The following GUCY1B1 variants were observed in gnomAD, a reference collection of about 807,000 sequenced individuals.
GUCY1B1 encodes guanylate cyclase 1 soluble subunit beta 1, also known as guanylate cyclase soluble subunit beta-1.
A neutral mutation model predicts 71.0 loss-of-function variants in GUCY1B1; 43 were observed. The observed-to-expected ratio is 0.61, with a 90% CI of 0.47 to 0.78. The LOEUF (loss-of-function observed/expected upper bound fraction) is 0.78, where lower values mean the gene tolerates loss of function less well. Among genes scored for constraint, GUCY1B1 ranks in the 30% least tolerant of loss-of-function variants. GUCY1B1 has a pLI of 0.00. For missense variants in GUCY1B1, 535 were observed against 754.1 expected, an observed-to-expected ratio of 0.71 and a Z score of 3.40; for synonymous variants, 266 against 259.7, an observed-to-expected ratio of 1.02 and a Z score of -0.23.
At chr4:155,790,509 C>A (rs1414354889) in intron 5 of GUCY1B1, among the ~76,000 whole-genome samples, 1 of 152,134 alleles carries the variant, frequency 6.6e-6, no homozygotes, top group Non-Finnish European at 1.5e-5. Context: ...GGCAACCGTA[C>A]AACAAAGAGA....
chr4:155,759,516 C>G (rs1213284768), intron 1 of GUCY1B1: 23 of 516,080 alleles, frequency 4.5e-5, no homozygotes, highest in Non-Finnish European at 7.1e-5. Flanking sequence ...GCCCCCGATG[C>G]CCAGCCTCTC....
intron 8 of GUCY1B1, among the ~76,000 whole-genome samples, chr4:155,798,721 A>C (rs1046122739): frequency 6.6e-6 from 1 of 152,162 alleles, no homozygotes; most frequent in Non-Finnish European, 1.5e-5. Flanking sequence ...GACATAACTA[A>C]ATTTTTTCCT....
intron 13 of GUCY1B1, among the ~76,000 whole-genome samples, chr4:155,805,558 C>G (rs1019846374): frequency 6.6e-6 from 1 of 152,134 alleles, no homozygotes; most frequent in African/African-American, 2.4e-5. Flanking sequence ...AGGGGCTCCC[C>G]TGACCCCTTT....
intron 6 of GUCY1B1, among the ~76,000 whole-genome samples, chr4:155,794,532 A>G (rs1162036318): frequency 6.6e-6 from 1 of 152,226 alleles, no homozygotes; most frequent in African/African-American, 2.4e-5. Context: ...TGATGGATTC[A>G]GTAGAAAAAG....
In GUCY1B1 at chr4:155,772,701, T is replaced by A. The variant is rs886518294; in HGVS notation, c.78-2267T>A. 4 of 702,462 alleles carry A rather than the reference T, an allele frequency of 5.7e-6. No homozygotes were observed. The Admixed American group carries it at 8.0e-5, about 14-fold the overall frequency. The allele number at this position is 702,462 out of a possible 1,614,324, so 43.5% of individuals were successfully genotyped here. The stretch of plus-strand genomic sequence containing the variant: ...TCCCAAAGTGCTGGGATAACAGGCA[T>A]GAGCCAACCTGCCCAGCCAGAAAAG... On this transcript the variant is annotated intron_variant, in intron 2 of 13. Transcript: ENST00000264424.
chr4:155,794,746 G>A (rs1185964261), intron 6 of GUCY1B1, among the ~76,000 whole-genome samples: 1 of 152,178 alleles, frequency 6.6e-6, no homozygotes, highest in Non-Finnish European at 1.5e-5. Context: ...CAGGTGAAAT[G>A]GAAGCAGAGT....
intron 9 of GUCY1B1, 35 bp downstream of exon 9, chr4:155,800,109 C>G: frequency 7.1e-7 from 1 of 1,400,576 alleles, no homozygotes; most frequent in East Asian, 2.3e-5. Context: ...TACTGTTATT[C>G]ATAACATAAT....
Position 155,802,002 on chromosome 4 carries a change from G to A in GUCY1B1, c.1176-340G>A, listed in dbSNP as rs1388385988. ...TGACAGTCTTCATACTGTGACTATC[G>A]TAATAGCAGGGTCAGAATACAGGAC... On this transcript the variant is annotated intron_variant, in intron 9 of 13. Coordinates refer to ENST00000264424, the MANE Select transcript of GUCY1B1 (RefSeq NM_000857.5). This position sits in a 1 kb window ranked among gnomAD's most constrained non-coding sequence, Gnocchi z 4.3. 4.6e-5 allele frequency among the ~76,000 whole-genome samples: 7 copies of A among 152,074 alleles called. No individual in the cohort carries two copies. The highest frequency in any genetic ancestry group is 7.4e-5 in the Non-Finnish European group (5 of 68,020).
At chr4:155,797,029 T>C (rs935991131) in intron 8 of GUCY1B1, among the ~76,000 whole-genome samples, 1 of 152,318 alleles carries the variant, frequency 6.6e-6, no homozygotes, top group Non-Finnish European at 1.5e-5. Context: ...TTAAAATGTA[T>C]GTAAAATGTG....
At position 155,803,619 on chromosome 4, in the gene GUCY1B1, G is replaced by A. The variant is rs746809128; in HGVS notation, c.1414-5G>A. ...CCGTGAACATCTAAATATATGTACT[G>A]TTAGGTGGAGACTGTTGGTGACAAG... On this transcript the variant is annotated splice_region_variant and splice_polypyrimidine_tract_variant and intron_variant, in intron 10 of 13. Coordinates refer to ENST00000264424, the MANE Select transcript of GUCY1B1 (RefSeq NM_000857.5). The A allele has an allele frequency of 4.4e-5, 69 of 1,568,120 alleles. No homozygotes were observed. The highest frequency in any genetic ancestry group is 5.0e-5 in the Non-Finnish European group (58 of 1,157,018).
chr4:155,778,759 A>T (rs565198671), intron 4 of GUCY1B1, among the ~76,000 whole-genome samples: 1 of 152,204 alleles, frequency 6.6e-6, no homozygotes, highest in Non-Finnish European at 1.5e-5. Context: ...GGCAGCATTT[A>T]ATGGGATTAT....
At chr4:155,789,636 T>C (rs1192923283) in intron 4 of GUCY1B1, 78 bp from the exon 5 acceptor site, 3 of 822,024 alleles carry the variant, frequency 3.6e-6, no homozygotes. Flanking sequence ...TTTGACTCGT[T>C]TTCATATCTT....
Position 155,802,546 on chromosome 4 carries a change from G to C in GUCY1B1, c.1380G>C (p.Leu460=). ...LNDLYTRFDT[L]TDSRKNPFVY... ...ACCTCTACACCAGATTTGACACACT[G>C]ACTGATTCCCGGAAAAACCCATTTG... Residue 460 remains leucine (L), a synonymous_variant, in exon 10 of 14, where the codon CTG becomes CTC. Transcript: ENST00000264424. This position sits in a 1 kb window ranked among gnomAD's most constrained non-coding sequence, Gnocchi z 4.3. The C allele has an allele frequency of 4.3e-6, 7 of 1,610,142 alleles. No homozygotes were observed. The highest frequency in any genetic ancestry group is 5.9e-6 in the Non-Finnish European group (7 of 1,178,072).
intron 4 of GUCY1B1, among the ~76,000 whole-genome samples, chr4:155,780,305 C>T (rs1022243059): frequency 1.3e-5 from 2 of 152,176 alleles, no homozygotes; most frequent in African/African-American, 4.8e-5. Context: ...CACTGCTCTT[C>T]TCTTTGCCTG....
chr4:155,804,780 G>A, intron 12 of GUCY1B1, 33 bp downstream of exon 12: 1 of 1,577,364 alleles, frequency 6.3e-7, no homozygotes, highest in Admixed American at 1.8e-5. Flanking sequence ...TTACTGATTT[G>A]CAAAGAAAAT....
In GUCY1B1 at chr4:155,802,132, T is replaced by C. The variant is rs1739994590; in HGVS notation, c.1176-210T>C. ...CTAGTTTGGGCTTGCGGATGTCTTA[T>C]GTGATTAGGATGAACAAATAATTTA... On this transcript the variant is annotated intron_variant, in intron 9 of 13. Transcript: ENST00000264424. The surrounding 1 kb of genome is among the most constrained non-coding windows in gnomAD (Gnocchi z 4.3). 1.7e-6 allele frequency: 2 copies of C among 1,162,744 alleles called. No individual in the cohort carries two copies. Among genetic ancestry groups the C allele is most frequent in the East Asian group, 2.6e-5 (1 of 38,850 alleles). The allele number at this position is 1,162,744 out of a possible 1,614,324, so 72.0% of individuals were successfully genotyped here.
intron 6 of GUCY1B1, 75 bp from the exon 7 acceptor site, chr4:155,795,266 A>G: frequency 2.9e-6 from 2 of 698,456 alleles, no homozygotes; most frequent in Non-Finnish European, 5.0e-6. Context: ...AGCTGATTTA[A>G]TCAAGCGATT....
chr4:155,781,718 G>A (rs1738429948), intron 4 of GUCY1B1, among the ~76,000 whole-genome samples: 1 of 151,854 alleles, frequency 6.6e-6, no homozygotes, highest in Non-Finnish European at 1.5e-5. Context: ...AGAAAACTTT[G>A]TAGAAATACT....
intron 2 of GUCY1B1, among the ~76,000 whole-genome samples, chr4:155,767,687 T>A (rs1317563360): frequency 6.6e-6 from 1 of 152,068 alleles, no homozygotes; most frequent in Non-Finnish European, 1.5e-5. Context: ...GTTACTGGAT[T>A]TAAAGGGCCT....
Sources: allele counts gnomAD v4.1 joint callset (sites outside exome capture counted in the v4.1 genomes callset), GRCh38; gene constraint gnomAD v4.1.1; non-coding constraint Gnocchi (gnomAD v3.1); transcripts MANE v1.5; gene names NCBI Gene and HGNC (gene_info 2026-07-23, HGNC 2026-07-21).